Variants in FAM174A observed in about 807,000 individuals in gnomAD.
FAM174A encodes membrane protein FAM174A.
A neutral mutation model predicts 14.3 loss-of-function variants in FAM174A; 14 were observed. That is an observed-to-expected ratio of 0.98 (90% CI 0.65 to 1.53). The LOEUF is 1.53. Among genes scored for constraint, FAM174A ranks in the 40% most tolerant of loss-of-function variants. The pLI, the probability that FAM174A is intolerant of heterozygous loss-of-function variation, is 0.00. For synonymous variants in FAM174A, 108 were observed against 111.4 expected (o/e 0.97, Z 0.19); for missense variants, 241 against 249.6 (o/e 0.97, Z 0.23).
chr5:100,542,985 T>C (rs1746092133), intron 1 of FAM174A, among the ~76,000 whole-genome samples: 1 of 151,920 alleles, frequency 6.6e-6, no homozygotes, highest in Non-Finnish European at 1.5e-5. Flanking sequence ...TTCCAGCTGT[T>C]TGGGAGGCTG....
intron 1 of FAM174A, among the ~76,000 whole-genome samples, chr5:100,554,522 G>A (rs185332549): frequency 6.6e-6 from 1 of 151,900 alleles, no homozygotes; most frequent in Admixed American, 6.6e-5. Flanking sequence ...TCACCATGCT[G>A]GCCAGGCTTG....
chr5:100,567,344 A>G (rs926018479), intron 2 of FAM174A, among the ~76,000 whole-genome samples: 1 of 151,814 alleles, frequency 6.6e-6, no homozygotes, highest in Non-Finnish European at 1.5e-5. Flanking sequence ...TGTGTTTGAG[A>G]TACATTAGAG....
chr5:100,555,041 T>C (rs142599219), intron 1 of FAM174A, among the ~76,000 whole-genome samples: 2,852 of 152,160 alleles, frequency 0.019, 76 homozygotes, highest in African/African-American at 0.063. Context: ...ACTCGTCATT[T>C]AACATTAGGT....
At chr5:100,568,704 A>C (rs1384482040) in intron 2 of FAM174A, among the ~76,000 whole-genome samples, 1 of 150,956 alleles carries the variant, frequency 6.6e-6, no homozygotes, top group Non-Finnish European at 1.5e-5. Flanking sequence ...TTGCCTATTA[A>C]AGAATTGCTT....
chr5:100,538,635 C>T (rs560718272), intron 1 of FAM174A, among the ~76,000 whole-genome samples: 22 of 152,094 alleles, frequency 1.4e-4, no homozygotes, highest in African/African-American at 4.1e-4. Flanking sequence ...CCCCTATATC[C>T]TCAGTGCTAA....
chr5:100,551,259 A>G (rs1253292491), intron 1 of FAM174A, among the ~76,000 whole-genome samples: 3 of 152,200 alleles, frequency 2.0e-5, no homozygotes, highest in Non-Finnish European at 4.4e-5. Context: ...TGCTACGGGA[A>G]GCAAAGTGGC....
chr5:100,586,182 TAAG>T lies in FAM174A; in HGVS notation c.*1_*3del. The T allele has an allele frequency of 7.1e-7, 1 of 1,405,920 alleles. No homozygotes were observed. The highest frequency in any genetic ancestry group is 2.4e-5 in the East Asian group (1 of 41,966). 87.1% of individuals were successfully genotyped at this position (1,405,920 alleles called of 1,614,324 possible). A position where few individuals can be genotyped will look rare whatever the true frequency, so the allele number is the denominator to read the frequency against. On this transcript the variant is annotated splice_region_variant and stop_retained_variant and 3_prime_UTR_variant, in exon 3 of 3. Transcript: ENST00000312637. ...GGTATTTTTTTCTTTTTCTTGCAGA[TAAG>T]AATGTGCCTTTTGATGAAAGAACTT...
Position 100,562,188 on chromosome 5 carries a change from G to A in FAM174A, c.569G>A (p.Arg190Lys), listed in dbSNP as rs1746538987. The change falls in exon 2 of 3, where the codon AGA becomes AAA. Residue 190 changes from arginine (R) to lysine (K), a missense_variant and splice_region_variant. Arg to Lys is a conservative substitution (Grantham distance 26). Coordinates refer to ENST00000312637, the MANE Select transcript of FAM174A (RefSeq NM_198507.3). The part of the protein sequence containing the change: ...NTLFDANHPR[R>K] ...TTGTTTGATGCCAATCATCCTCGAA[G>A]GTAAGTATTCCAGTAGTTTAATTCC... 5 of 1,572,548 alleles carry A rather than the reference G, an allele frequency of 3.2e-6. No homozygotes were observed. Among genetic ancestry groups the A allele is most frequent in the East Asian group, 2.4e-5 (1 of 40,888 alleles).
At chr5:100,542,923 T>C (rs1746090680) in intron 1 of FAM174A, among the ~76,000 whole-genome samples, 1 of 151,936 alleles carries the variant, frequency 6.6e-6, no homozygotes, top group Admixed American at 6.6e-5. Context: ...TATGTGTGTG[T>C]GTAATATATA....
At chr5:100,543,937 A>G (rs1164206792) in intron 1 of FAM174A, among the ~76,000 whole-genome samples, 1 of 152,200 alleles carries the variant, frequency 6.6e-6, no homozygotes, top group Non-Finnish European at 1.5e-5. Context: ...CTGTGTTATG[A>G]CATTATTTCC....
At chr5:100,568,680 G>A (rs186709048) in intron 2 of FAM174A, among the ~76,000 whole-genome samples, 1 of 150,796 alleles carries the variant, frequency 6.6e-6, no homozygotes, top group African/African-American at 2.4e-5. Flanking sequence ...AACTGAATTA[G>A]TTTCTGAGTT....
rs185051144 is a variant in FAM174A, at chr5:100,551,679, T to A, written c.435-10375T>A. 2.8e-4 allele frequency among the ~76,000 whole-genome samples: 42 copies of A among 152,288 alleles called. 1 individual carries two copies. The East Asian group carries it at 7.3e-3, about 27-fold the overall frequency. ...GTGGGCTGGCTTAAACAACAGAAAT[T>A]TATTGTCTCACAGTTCTGGAGGCTA... On this transcript the variant is annotated intron_variant, in intron 1 of 2. Coordinates refer to ENST00000312637, the MANE Select transcript of FAM174A (RefSeq NM_198507.3).
chr5:100,573,420 G>A (rs1477314112), intron 2 of FAM174A, among the ~76,000 whole-genome samples: 3 of 151,802 alleles, frequency 2.0e-5, no homozygotes, highest in East Asian at 3.9e-4. Context: ...ATCTTGAATT[G>A]ATTTTTGTAT....
chr5:100,551,761 G>C (rs1746267727), intron 1 of FAM174A, among the ~76,000 whole-genome samples: 1 of 152,110 alleles, frequency 6.6e-6, no homozygotes, highest in South Asian at 2.1e-4. Flanking sequence ...TGTGAGGGAA[G>C]GATCTGTTCT....
chr5:100,556,941 T>C (rs1386842192), intron 1 of FAM174A, among the ~76,000 whole-genome samples: 1 of 152,178 alleles, frequency 6.6e-6, no homozygotes, highest in Non-Finnish European at 1.5e-5. Flanking sequence ...TATTTCTTTC[T>C]CCTGCCTGAT....
intron 2 of FAM174A, among the ~76,000 whole-genome samples, chr5:100,569,391 TTA>T (rs34722898): frequency 6.7e-6 from 1 of 150,158 alleles, no homozygotes; most frequent in African/African-American, 2.4e-5. Flanking sequence ...GAGGCTATTA[TTA>T]TATATATATA....
intron 1 of FAM174A, among the ~76,000 whole-genome samples, chr5:100,540,010 AT>A (rs1433615974): frequency 2.6e-5 from 4 of 152,052 alleles, no homozygotes; most frequent in Non-Finnish European, 5.9e-5. Flanking sequence ...GATTTTCCTG[AT>A]TTACTACACA....
At chr5:100,564,663 CAAAT>C (rs1304659263) in intron 2 of FAM174A, among the ~76,000 whole-genome samples, 2 of 151,544 alleles carry the variant, frequency 1.3e-5, no homozygotes, top group East Asian at 3.9e-4. Flanking sequence ...AGAAAAGGCT[CAAAT>C]AAATAAAATC....
At chr5:100,564,072 G>A (rs247936) in intron 2 of FAM174A, among the ~76,000 whole-genome samples, 85,874 of 151,440 alleles carry the variant, frequency 0.57, 26,761 homozygotes, top group African/African-American at 0.81. Context: ...TATATTTGCC[G>A]TTTGAAGTAC....
Sources: allele counts gnomAD v4.1 joint callset (sites outside exome capture counted in the v4.1 genomes callset), GRCh38; gene constraint gnomAD v4.1.1; transcripts MANE v1.5; gene names NCBI Gene and HGNC (gene_info 2026-07-23, HGNC 2026-07-21).